CELF2: variants seen among roughly 807,000 people sequenced by gnomAD.
CELF2 encodes the protein CUGBP Elav-like family member 2.
Under a neutral mutation model 62.6 loss-of-function variants are expected in CELF2, and 8 were observed. The observed-to-expected ratio is 0.13, with a 90% CI of 0.07 to 0.23. CELF2 has a LOEUF of 0.23. CELF2 is among the 10% of genes least tolerant of loss of function. The pLI is 1.00. For missense variants in CELF2, 333 were observed against 671.0 expected (o/e 0.50, Z 5.56); for synonymous variants, 258 against 250.0 (o/e 1.03, Z -0.30).
the CELF2 span, among the ~76,000 whole-genome samples, chr10:10,548,338 T>C: frequency 2.0e-5 from 3 of 152,254 alleles, no homozygotes; most frequent in African/African-American, 7.2e-5. Context: ...TTAGTCATAG[T>C]CTCAGCTTCA....
At chr10:10,817,583 T>G (rs1308925517) in intron 1 of CELF2, among the ~76,000 whole-genome samples, 1 of 152,214 alleles carries the variant, frequency 6.6e-6, no homozygotes, top group Admixed American at 6.5e-5. Flanking sequence ...GTGTTTGTCT[T>G]CCTGTGCCTG....
chr10:10,850,592 T>G (rs1251748627), intron 1 of CELF2, among the ~76,000 whole-genome samples: 2 of 152,186 alleles, frequency 1.3e-5, no homozygotes. Context: ...GAAGGATGTT[T>G]GAATATGTTG....
the CELF2 span, among the ~76,000 whole-genome samples, chr10:10,729,572 A>C: frequency 6.6e-6 from 1 of 151,924 alleles, no homozygotes; most frequent in African/African-American, 2.4e-5. Context: ...GCACCACTAC[A>C]CTCCAGCCTG....
At chr10:11,148,795 C>G (rs1250417860) in intron 1 of CELF2, among the ~76,000 whole-genome samples, 1 of 151,752 alleles carries the variant, frequency 6.6e-6, no homozygotes, top group African/African-American at 2.4e-5. Context: ...CTGCCTCCAG[C>G]CAGCCAAGCT....
intron 1 of CELF2, among the ~76,000 whole-genome samples, chr10:10,916,301 G>A (rs1388350538): frequency 1.3e-5 from 2 of 152,198 alleles, no homozygotes; most frequent in Non-Finnish European, 2.9e-5. Flanking sequence ...ATACAGTGGG[G>A]TGTTTTTGTC....
At chr10:11,257,963 A>C in intron 5 of CELF2, 91 bp downstream of exon 5, 2 of 1,472,258 alleles carry the variant, frequency 1.4e-6, no homozygotes, top group Non-Finnish European at 1.9e-6. Context: ...GCACACGGCA[A>C]GAGGTCACCC....
intron 1 of CELF2, 91 bp downstream of exon 1, chr10:11,018,254 C>T (rs2057639197): frequency 4.4e-6 from 5 of 1,145,596 alleles, no homozygotes; most frequent in Admixed American, 3.2e-5. Flanking sequence ...CCGCAGCTCC[C>T]GGGCGCGACT....
chr10:11,273,942 C>A (rs947360850), intron 7 of CELF2, among the ~76,000 whole-genome samples: 1 of 149,348 alleles, frequency 6.7e-6, no homozygotes, highest in Non-Finnish European at 1.5e-5. Context: ...AGGCTGGTCT[C>A]GAACTCCTAA....
chr10:10,882,627 G>T (rs553152335), intron 1 of CELF2, among the ~76,000 whole-genome samples: 1 of 152,226 alleles, frequency 6.6e-6, no homozygotes, highest in Non-Finnish European at 1.5e-5. Context: ...TTCCTTCATT[G>T]ATGAGAGAAC....
intron 2 of CELF2, among the ~76,000 whole-genome samples, chr10:10,958,044 A>C (rs767434805): frequency 4.6e-5 from 7 of 152,242 alleles, no homozygotes; most frequent in Non-Finnish European, 8.8e-5. Context: ...AGGCGTAAGT[A>C]AGTGAGTCTA....
At chr10:10,506,103 T>C in the CELF2 span, among the ~76,000 whole-genome samples, 2 of 152,010 alleles carry the variant, frequency 1.3e-5, no homozygotes. Context: ...AAGTTTTACT[T>C]ATCCTTAAAT....
chr10:10,892,494 G>T (rs762330773), intron 1 of CELF2, among the ~76,000 whole-genome samples: 1 of 152,140 alleles, frequency 6.6e-6, no homozygotes, highest in Non-Finnish European at 1.5e-5. Context: ...AGACTGAGCC[G>T]ACTCACAGTG....
intron 3 of CELF2, among the ~76,000 whole-genome samples, chr10:11,225,340 C>T (rs11594733): frequency 0.14 from 21,667 of 152,104 alleles, 1,780 homozygotes; most frequent in East Asian, 0.36. Context: ...GCCTTAAAAA[C>T]GCTTGCAATG....
intron 1 of CELF2, among the ~76,000 whole-genome samples, chr10:11,028,639 T>A (rs1452081331): frequency 6.6e-6 from 1 of 151,672 alleles, no homozygotes; most frequent in Non-Finnish European, 1.5e-5. Context: ...CAGGCTGGTC[T>A]CAAACTCCTG....
chr10:10,576,671 A>G, the CELF2 span, among the ~76,000 whole-genome samples: 1 of 152,260 alleles, frequency 6.6e-6, no homozygotes, highest in Non-Finnish European at 1.5e-5. Context: ...CTACCAAACT[A>G]TAAAACCTAG....
the CELF2 span, among the ~76,000 whole-genome samples, chr10:10,651,261 G>C: frequency 3.5e-5 from 5 of 142,920 alleles, no homozygotes; most frequent in South Asian, 1.1e-3. Context: ...AGCAGTATGA[G>C]ATCAAACTGC....
upstream of CELF2, among the ~76,000 whole-genome samples, chr10:11,017,705 G>T (rs1341875041): frequency 6.6e-6 from 1 of 152,078 alleles, no homozygotes; most frequent in Non-Finnish European, 1.5e-5. The surrounding 1 kb of genome is among the most constrained non-coding windows in gnomAD (Gnocchi z 5.5). Context: ...CGGGGAGCGG[G>T]TTTGCCTTCG....
intron 1 of CELF2, among the ~76,000 whole-genome samples, chr10:10,900,683 C>T (rs140176064): frequency 6.6e-6 from 1 of 152,258 alleles, no homozygotes; most frequent in Non-Finnish European, 1.5e-5. Context: ...TCTCCACTCG[C>T]ATTCAACATT....
chr10:10,691,875 T>G, the CELF2 span, among the ~76,000 whole-genome samples: 1 of 149,688 alleles, frequency 6.7e-6, no homozygotes, highest in East Asian at 2.0e-4. Flanking sequence ...TCTTGTAAAT[T>G]TGTTTGAGTT....
Sources: gnomAD v4.1 joint callset for allele counts (sites outside exome capture counted in the v4.1 genomes callset) on GRCh38, gnomAD v4.1.1 for gene constraint, Gnocchi (gnomAD v3.1) non-coding constraint, MANE v1.5 for transcripts, NCBI Gene and HGNC (gene_info 2026-07-23, HGNC 2026-07-21) for gene names.